The following TMEM150A variants were observed in gnomAD, a reference collection of about 807,000 sequenced individuals.
TMEM150A encodes fasting-inducible integral membrane protein TM6P1.
In TMEM150A, 18 loss-of-function variants were observed where a neutral mutation model predicts 29.8. The observed-to-expected ratio is 0.60, with a 90% CI of 0.42 to 0.90. TMEM150A has a LOEUF of 0.90. Among genes scored for constraint, TMEM150A ranks in the 40% least tolerant of loss-of-function variants. TMEM150A has a pLI of 0.00. For synonymous variants in TMEM150A, 127 were observed against 143.6 expected, an observed-to-expected ratio of 0.88 and a Z score of 0.83; for missense variants, 251 against 349.7, an observed-to-expected ratio of 0.72 and a Z score of 2.25.
Position 85,601,188 on chromosome 2 carries a change from ACT to A in TMEM150A, c.114-83_114-82del, listed in dbSNP as rs544871035. 3.6e-5 allele frequency: 52 copies of A among 1,439,170 alleles called. No individual in the cohort carries two copies. In the East Asian group the frequency reaches 8.1e-4, roughly 23 times the overall value. The allele number at this position is 1,439,170 out of a possible 1,614,324, so 89.2% of individuals were successfully genotyped here. On this transcript the variant is annotated intron_variant, in intron 3 of 7. Transcript: ENST00000334462. The surrounding 1 kb of genome is among the most constrained non-coding windows in gnomAD (Gnocchi z 4.0). Reference sequence around the variant, plus strand: ...CCTATAGCCTCAGGCCTCAAAGAGGACTCTCTCCCAGACCTCCCCTACAGGGA... The same window carrying A: ...CCTATAGCCTCAGGCCTCAAAGAGGACTCTCCCAGACCTCCCCTACAGGGA...
Position 85,599,642 on chromosome 2 carries a change from G to A in TMEM150A, c.457C>T (p.Leu153Phe), listed in dbSNP as rs1348644478. 2.5e-6 allele frequency: 4 copies of A among 1,613,814 alleles called. No individual in the cohort carries two copies. The highest frequency in any genetic ancestry group is 3.4e-6 in the Non-Finnish European group (4 of 1,180,032). Residue 153 changes from leucine (L) to phenylalanine (F), a missense_variant, in exon 7 of 8, where the codon CTC becomes TTC. By Grantham distance (22) the Leu-to-Phe change is conservative. Transcript: ENST00000334462. The surrounding 1 kb of genome is among the most constrained non-coding windows in gnomAD (Gnocchi z 6.0). ...GAGVAFPAGL[L>F]FVCLHCALSY... is the part of the protein sequence containing the mutation. The stretch of plus-strand genomic sequence containing the variant: ...AGAGCACAGTGCAGGCAAACAAAGA[G>A]CAGCCCCGCAGGGAAGGCCACGCCA...
chr2:85,600,841 G>A, intron 4 of TMEM150A, 180 bp downstream of exon 4: 1 of 597,310 alleles, frequency 1.7e-6, no homozygotes, highest in Non-Finnish European at 2.9e-6. Flanking sequence ...AGGATGAAAA[G>A]AGACAATGCA....
Position 85,599,459 on chromosome 2 carries a change from C to T in TMEM150A, c.574+66G>A. On this transcript the variant is annotated intron_variant, in intron 7 of 7. Transcript: ENST00000334462. This position sits in a 1 kb window ranked among gnomAD's most constrained non-coding sequence, Gnocchi z 6.0. ...GCAGTGTTAGGCCTCCACCCCCCAT[C>T]CTCTTGGGAGGGAGAAAGGTTGAGC... The T allele has an allele frequency of 1.9e-6, 3 of 1,568,660 alleles. No homozygotes were observed. The highest frequency in any genetic ancestry group is 2.6e-6 in the Non-Finnish European group (3 of 1,157,432).
At position 85,599,538 on chromosome 2, in the gene TMEM150A, G is replaced by A. The variant is rs1672809007; in HGVS notation, c.561C>T (p.Ile187=). The A allele has an allele frequency of 6.2e-7, 1 of 1,612,672 alleles. No homozygotes were observed. The highest frequency in any genetic ancestry group is 1.1e-5 in the South Asian group (1 of 90,936). The change falls in exon 7 of 8, where the codon ATC becomes ATT. Residue 187 remains isoleucine (I), a synonymous_variant. Coordinates refer to ENST00000334462, the MANE Select transcript of TMEM150A (RefSeq NM_001031738.3). This position sits in a 1 kb window ranked among gnomAD's most constrained non-coding sequence, Gnocchi z 6.0. ...CTGAAAGGATACTGAGGACCAGGGT[G>A]ATAAAGGCGATGACAGCCAGCACAC... The part of the protein sequence containing the change: ...LRSVLAVIAF[I]TLVLSGVFFV...
At position 85,601,760 on chromosome 2, in the gene TMEM150A, G is replaced by T; in HGVS notation, c.65+124C>A. The T allele has an allele frequency of 1.7e-6, 2 of 1,170,014 alleles. No homozygotes were observed. The highest frequency in any genetic ancestry group is 1.4e-5 in the South Asian group (1 of 72,212). 72.5% of individuals were successfully genotyped at this position (1,170,014 alleles called of 1,614,324 possible). ...TTGTCCCAAGGGGCTGTGTGCCCAG[G>T]CACCAAGTCAGGCTTTTGAGACACC... On this transcript the variant is annotated intron_variant, in intron 2 of 7. Transcript: ENST00000334462. The surrounding 1 kb of genome is among the most constrained non-coding windows in gnomAD (Gnocchi z 4.0).
At chr2:85,600,766 G>A (rs1672889388) in intron 4 of TMEM150A, 1 of 554,398 alleles carries the variant, frequency 1.8e-6, no homozygotes, top group South Asian at 2.3e-5. Context: ...TGACCTGGAT[G>A]AGGAAGACTG....
rs1042019193 is a variant in TMEM150A, at chr2:85,599,724, T to C, written c.397-22A>G. 4 of 1,607,958 alleles carry C rather than the reference T, an allele frequency of 2.5e-6. No homozygotes were observed. The highest frequency in any genetic ancestry group is 1.8e-4 in the Middle Eastern group (1 of 5,480). ...CCACCTGGGCCCAGAGAAGGGCCAG[T>C]TGGTGATGTGGCCATGGCCCCACCT... On this transcript the variant is annotated intron_variant, in intron 6 of 7. Transcript: ENST00000334462. This position sits in a 1 kb window ranked among gnomAD's most constrained non-coding sequence, Gnocchi z 6.0.
At position 85,601,194 on chromosome 2, in the gene TMEM150A, T is replaced by C. The variant is rs1672927713; in HGVS notation, c.114-87A>G. ...GCCTCAGGCCTCAAAGAGGACTCTC[T>C]CCCAGACCTCCCCTACAGGGACAGA... On this transcript the variant is annotated intron_variant, in intron 3 of 7. Coordinates refer to ENST00000334462, the MANE Select transcript of TMEM150A (RefSeq NM_001031738.3). The surrounding 1 kb of genome is among the most constrained non-coding windows in gnomAD (Gnocchi z 4.0). 1 of 1,380,680 alleles carries C rather than the reference T, an allele frequency of 7.2e-7. No homozygotes were observed. The highest frequency in any genetic ancestry group is 2.4e-5 in the East Asian group (1 of 42,422). 85.5% of individuals were successfully genotyped at this position (1,380,680 alleles called of 1,614,324 possible). A position where few individuals can be genotyped will look rare whatever the true frequency, so the allele number is the denominator to read the frequency against.
rs776754403 is a variant in TMEM150A at position 85,599,352 on chromosome 2, T to C, written c.575-35A>G. ...GGCTAAGGAAATGTTCAGTAGGACA[T>C]ACGGAAACCTGGCAACACCCCTTCT... On this transcript the variant is annotated intron_variant, in intron 7 of 7. Coordinates refer to ENST00000334462, the MANE Select transcript of TMEM150A (RefSeq NM_001031738.3). The surrounding 1 kb of genome is among the most constrained non-coding windows in gnomAD (Gnocchi z 6.0). 8.7e-6 allele frequency: 14 copies of C among 1,609,610 alleles called. No individual in the cohort carries two copies. Among genetic ancestry groups the C allele is most frequent in the Non-Finnish European group, 1.1e-5 (13 of 1,176,682 alleles).
chr2:85,599,818 T>G lies in TMEM150A; in HGVS notation c.396+73A>C. 2 of 1,608,274 alleles carry G rather than the reference T, an allele frequency of 1.2e-6. No individual in the cohort carries two copies. Among genetic ancestry groups the G allele is most frequent in the South Asian group, 2.2e-5 (2 of 90,698 alleles). On this transcript the variant is annotated intron_variant, in intron 6 of 7. Coordinates refer to ENST00000334462, the MANE Select transcript of TMEM150A (RefSeq NM_001031738.3). The surrounding 1 kb of genome is among the most constrained non-coding windows in gnomAD (Gnocchi z 6.0). ...CTCTCCCTCTTTCCAGCCCCAACCT[T>G]GAGGTGCCACACTGCAGGCAGCCAG...
In TMEM150A at chr2:85,599,923, C is replaced by T. The variant is rs1464004823; in HGVS notation, c.364G>A (p.Ala122Thr). 3.7e-6 allele frequency: 6 copies of T among 1,613,340 alleles called. No individual in the cohort carries two copies. Among genetic ancestry groups the T allele is most frequent in the Non-Finnish European group, 3.4e-6 (4 of 1,180,032 alleles). The change falls in exon 6 of 8, where the codon GCT becomes ACT. Residue 122 changes from alanine to threonine, a missense_variant. Coordinates refer to ENST00000334462, the MANE Select transcript of TMEM150A (RefSeq NM_001031738.3). The surrounding 1 kb of genome is among the most constrained non-coding windows in gnomAD (Gnocchi z 6.0). ...TTGCCAACCACCAAGAGGCCCGCAG[C>T]GTTGGTGCAGCCTGTGATGAGTGCC... ...TTALITGCTN[A>T]AGLLVVGNFQ... is the part of the protein sequence containing the mutation.
chr2:85,600,730 C>A (rs940604120), intron 4 of TMEM150A: 1 of 550,666 alleles, frequency 1.8e-6, no homozygotes, highest in Non-Finnish European at 3.2e-6. Context: ...CAGCTTAAAT[C>A]CAGGTGCCTC....
rs1573358632 is a variant in TMEM150A at position 85,599,775 on chromosome 2, C to T, written c.397-73G>A. On this transcript the variant is annotated intron_variant, in intron 6 of 7. Transcript: ENST00000334462. The surrounding 1 kb of genome is among the most constrained non-coding windows in gnomAD (Gnocchi z 6.0). ...CTCCACCCCTCCTTCAATGAATCTC[C>T]TCTCTCCCTCTTCCTTCCTCTCCCT... 7 of 1,564,764 alleles carry T rather than the reference C, an allele frequency of 4.5e-6. No homozygotes were observed. The South Asian group carries it at 6.8e-5, about 15-fold the overall frequency.
chr2:85,601,089 G>A lies in TMEM150A; in HGVS notation c.132C>T (p.Cys44=), dbSNP rs1473321834. 1.9e-6 allele frequency: 3 copies of A among 1,612,712 alleles called. No individual in the cohort carries two copies. Among genetic ancestry groups the A allele is most frequent in the South Asian group, 2.2e-5 (2 of 91,020 alleles). ...CCCCTTGCTCAGCAGGGTCAGGAGG[G>A]CAGGACTCGTTGTAGGACCTGGCAG... ...PVENWSYNES[C]PPDPAEQGGP... Residue 44 remains cysteine (C), a synonymous_variant, in exon 4 of 8, where the codon TGC becomes TGT. Transcript: ENST00000334462. The surrounding 1 kb of genome is among the most constrained non-coding windows in gnomAD (Gnocchi z 4.0).
Position 85,599,136 on chromosome 2 carries a change from G to C in TMEM150A, c.756C>G (p.Ser252=), listed in dbSNP as rs776854668. 5.6e-6 allele frequency: 9 copies of C among 1,613,720 alleles called. No individual in the cohort carries two copies. The highest frequency in any genetic ancestry group is 7.6e-6 in the Non-Finnish European group (9 of 1,180,038). ...QPTPGRACKS[S]GSSSTSTHLN... Reference sequence around the variant, plus strand: ...GGTGGGTGGAGGTGCTGCTGCTCCCGGAGGACTTGCAGGCCCGGCCAGGGG... The same window carrying C: ...GGTGGGTGGAGGTGCTGCTGCTCCCCGAGGACTTGCAGGCCCGGCCAGGGG... The change falls in exon 8 of 8, where the codon TCC becomes TCG. Residue 252 remains serine (S), a synonymous_variant. Coordinates refer to ENST00000334462, the MANE Select transcript of TMEM150A (RefSeq NM_001031738.3). This position sits in a 1 kb window ranked among gnomAD's most constrained non-coding sequence, Gnocchi z 6.0.
intron 4 of TMEM150A, chr2:85,600,814 C>T: frequency 1.8e-6 from 1 of 570,984 alleles, no homozygotes; most frequent in Non-Finnish European, 3.1e-6. Flanking sequence ...GAAAACAATA[C>T]CTGCCTCACT....
Position 85,601,864 on chromosome 2 carries a change from G to C in TMEM150A, c.65+20C>G. On this transcript the variant is annotated intron_variant, in intron 2 of 7. Coordinates refer to ENST00000334462, the MANE Select transcript of TMEM150A (RefSeq NM_001031738.3). The surrounding 1 kb of genome is among the most constrained non-coding windows in gnomAD (Gnocchi z 4.0). ...CGTCATCAAGCTCCTGTTGCCCCCC[G>C]GGCACCCCCCTTTACTCACACAGTC... is the stretch of plus-strand genomic sequence containing the variant. 1 of 1,613,102 alleles carries C rather than the reference G, an allele frequency of 6.2e-7. No individual in the cohort carries two copies. The highest frequency in any genetic ancestry group is 8.5e-7 in the Non-Finnish European group (1 of 1,179,322).
intron 4 of TMEM150A, chr2:85,600,619 G>A: frequency 6.8e-6 from 4 of 588,712 alleles, no homozygotes. Flanking sequence ...AGAGAAGGGA[G>A]TGCCCAGGAG....
In TMEM150A at chr2:85,602,003, G is replaced by A. The variant is rs1672999197; in HGVS notation, c.-55C>T. The A allele has an allele frequency of 1.3e-6, 2 of 1,499,064 alleles. No individual in the cohort carries two copies. Among genetic ancestry groups the A allele is most frequent in the Non-Finnish European group, 1.9e-6 (2 of 1,075,896 alleles). 92.9% of individuals were successfully genotyped at this position (1,499,064 alleles called of 1,614,324 possible). ...TTGGGGGGAGGACAAGAGGTAGATG[G>A]GGAAGTGGGGGCGGACCAGCTACCT... On this transcript the variant is annotated 5_prime_UTR_variant, in exon 2 of 8. Transcript: ENST00000334462. This position sits in a 1 kb window ranked among gnomAD's most constrained non-coding sequence, Gnocchi z 5.6.
Sources: allele counts gnomAD v4.1 joint callset, GRCh38; gene constraint gnomAD v4.1.1; non-coding constraint Gnocchi (gnomAD v3.1); transcripts MANE v1.5; gene names NCBI Gene and HGNC (gene_info 2026-07-23, HGNC 2026-07-21).